The following KCNQ3 variants were observed in gnomAD, a reference collection of about 807,000 sequenced individuals.
The protein encoded by KCNQ3 is potassium voltage-gated channel subfamily KQT member 3.
In KCNQ3, 30 loss-of-function variants were observed where a neutral mutation model predicts 92.5. That is an observed-to-expected ratio of 0.32 (90% CI 0.24 to 0.44). The LOEUF is 0.44. Ranked by LOEUF, KCNQ3 falls within the 20% of genes least tolerant of loss-of-function variation. The pLI, the probability that KCNQ3 is intolerant of heterozygous loss-of-function variation, is 1.00. For synonymous variants in KCNQ3, 450 were observed against 468.8 expected, an observed-to-expected ratio of 0.96 and a Z score of 0.52; for missense variants, 913 against 1,140.3, an observed-to-expected ratio of 0.80 and a Z score of 2.87.
intron 1 of KCNQ3, among the ~76,000 whole-genome samples, chr8:132,255,201 A>C (rs1815545047): frequency 6.6e-6 from 1 of 152,080 alleles, no homozygotes; most frequent in Non-Finnish European, 1.5e-5. Flanking sequence ...AGGAGACAGA[A>C]TGGAGCTCCT....
At chr8:132,353,311 G>A (rs1818929704) in intron 1 of KCNQ3, among the ~76,000 whole-genome samples, 1 of 152,096 alleles carries the variant, frequency 6.6e-6, no homozygotes, top group African/African-American at 2.4e-5. Context: ...GAAGGGAAGG[G>A]AAAGGAAGGG....
At chr8:132,207,446 G>A (rs1405562003) in intron 1 of KCNQ3, among the ~76,000 whole-genome samples, 2 of 152,182 alleles carry the variant, frequency 1.3e-5, no homozygotes, top group Non-Finnish European at 2.9e-5. Flanking sequence ...CTGAGGAAGA[G>A]AGGTTCTAGG....
Position 132,426,730 on chromosome 8 carries a change from T to G in KCNQ3, c.386+53417A>C, listed in dbSNP as rs1180871621. ...ATTTCTCCAAGGAAGAATAAAAACT[T>G]CCTTGCCAAGAACCAAAACACAAAT... is the stretch of plus-strand genomic sequence containing the variant. On this transcript the variant is annotated intron_variant, in intron 1 of 14. Coordinates refer to ENST00000388996, the MANE Select transcript of KCNQ3 (RefSeq NM_004519.4). Among the ~76,000 whole-genome samples, 8 of 152,308 alleles carry G rather than the reference T, an allele frequency of 5.3e-5. No homozygotes were observed. In the East Asian group the frequency reaches 1.5e-3, roughly 29 times the overall value.
At chr8:132,447,780 A>G (rs561663905) in intron 1 of KCNQ3, among the ~76,000 whole-genome samples, 5 of 152,350 alleles carry the variant, frequency 3.3e-5, no homozygotes, top group African/African-American at 1.2e-4. Context: ...CTGCCTTCCT[A>G]TATGACTTTG....
At chr8:132,446,190 T>C (rs1219292814) in intron 1 of KCNQ3, among the ~76,000 whole-genome samples, 1 of 152,214 alleles carries the variant, frequency 6.6e-6, no homozygotes, top group Non-Finnish European at 1.5e-5. Flanking sequence ...GGCCCTGCAG[T>C]GGCTTCCACA....
rs1010083419 is a variant in KCNQ3 at position 132,365,952 on chromosome 8, G to A, written c.386+114195C>T. On this transcript the variant is annotated intron_variant, in intron 1 of 14. Transcript: ENST00000388996. ...AGGCTGAGGAGGGAGGATGGTTTGA[G>A]CCCATGAGGTGGAAGTTACAGTGAG... 6.0e-4 allele frequency among the ~76,000 whole-genome samples: 91 copies of A among 152,154 alleles called. 1 individual carries two copies. The highest frequency in any genetic ancestry group is 1.9e-3 in the African/African-American group (80 of 41,426).
intron 3 of KCNQ3, among the ~76,000 whole-genome samples, chr8:132,182,826 AAACG>A (rs765694707): frequency 3.9e-5 from 6 of 152,188 alleles, no homozygotes; most frequent in Non-Finnish European, 8.8e-5. Flanking sequence ...GAAAGAGGGC[AAACG>A]AAGAGAGAAG....
intron 1 of KCNQ3, among the ~76,000 whole-genome samples, chr8:132,226,098 C>T (rs866668110): frequency 1.3e-5 from 2 of 151,998 alleles, no homozygotes; most frequent in African/African-American, 2.4e-5. Context: ...GGCGAAACCC[C>T]GTCTCTACTA....
intron 1 of KCNQ3, among the ~76,000 whole-genome samples, chr8:132,190,391 G>T (rs1016030159): frequency 6.6e-6 from 1 of 152,196 alleles, no homozygotes; most frequent in East Asian, 1.9e-4. Flanking sequence ...AAGGCAACTG[G>T]ATAGTCATGC....
intron 1 of KCNQ3, among the ~76,000 whole-genome samples, chr8:132,415,185 C>T (rs1185278182): frequency 6.6e-6 from 1 of 152,198 alleles, no homozygotes; most frequent in Non-Finnish European, 1.5e-5. Flanking sequence ...CAGGGTACTT[C>T]TCTCTTGTCT....
At chr8:132,394,841 G>A (rs560260284) in intron 1 of KCNQ3, among the ~76,000 whole-genome samples, 9 of 152,318 alleles carry the variant, frequency 5.9e-5, no homozygotes, top group African/African-American at 1.2e-4. Context: ...CAGTGAGTGC[G>A]CCTTGGCCAG....
chr8:132,447,235 GA>G (rs1821707587), intron 1 of KCNQ3: 1 of 1,535,510 alleles, frequency 6.5e-7, no homozygotes, highest in South Asian at 1.2e-5. Context: ...ATAAGGTAAT[GA>G]ATGCAAGAAC....
At chr8:132,417,494 T>C (rs936970064) in intron 1 of KCNQ3, among the ~76,000 whole-genome samples, 1 of 152,292 alleles carries the variant, frequency 6.6e-6, no homozygotes, top group African/African-American at 2.4e-5. Context: ...GAGAATAGAT[T>C]TGGAGAGGCA....
chr8:132,356,026 A>C (rs1015780329), intron 1 of KCNQ3, among the ~76,000 whole-genome samples: 3 of 152,220 alleles, frequency 2.0e-5, no homozygotes, highest in Non-Finnish European at 2.9e-5. Context: ...CGGTTCATGA[A>C]GGTGATAAGT....
chr8:132,218,626 A>T (rs967428052), intron 1 of KCNQ3, among the ~76,000 whole-genome samples: 4 of 152,248 alleles, frequency 2.6e-5, no homozygotes, highest in African/African-American at 4.8e-5. Context: ...AGAAGTAGGC[A>T]GTCCACTCAG....
At chr8:132,406,789 T>C (rs1662795016) in intron 1 of KCNQ3, among the ~76,000 whole-genome samples, 1 of 152,208 alleles carries the variant, frequency 6.6e-6, no homozygotes, top group South Asian at 2.1e-4. Context: ...TGACTCCGAC[T>C]TCAAGAGTCA....
chr8:132,332,996 G>A (rs1422389824), intron 1 of KCNQ3, among the ~76,000 whole-genome samples: 1 of 151,374 alleles, frequency 6.6e-6, no homozygotes, highest in Non-Finnish European at 1.5e-5. Flanking sequence ...CTTGTTCAGA[G>A]TGAGAGGATG....
chr8:132,457,291 A>G (rs562644343), intron 1 of KCNQ3, among the ~76,000 whole-genome samples: 1 of 152,370 alleles, frequency 6.6e-6, no homozygotes, highest in South Asian at 2.1e-4. Context: ...GAGAAATCCC[A>G]AAATGTGTCC....
chr8:132,221,293 T>C (rs1046424505), intron 1 of KCNQ3, among the ~76,000 whole-genome samples: 1 of 152,220 alleles, frequency 6.6e-6, no homozygotes, highest in Non-Finnish European at 1.5e-5. Flanking sequence ...CATGTGTCTT[T>C]ATAGTAGCAT....
Sources: allele counts gnomAD v4.1 joint callset (sites outside exome capture counted in the v4.1 genomes callset), GRCh38; gene constraint gnomAD v4.1.1; transcripts MANE v1.5; gene names NCBI Gene and HGNC (gene_info 2026-07-23, HGNC 2026-07-21).